Variants in MAPKAP1 observed in about 807,000 individuals in gnomAD.
MAPKAP1 encodes MAPK associated protein 1.
A neutral mutation model predicts 65.7 loss-of-function variants in MAPKAP1; 20 were observed. The observed-to-expected ratio is 0.30, with a 90% confidence interval of 0.21 to 0.44. The LOEUF is 0.44. Ranked by LOEUF, MAPKAP1 falls within the 20% of genes least tolerant of loss-of-function variation. The pLI is 1.00. For synonymous variants in MAPKAP1, 222 were observed against 244.3 expected, an observed-to-expected ratio of 0.91 and a Z score of 0.85; for missense variants, 423 against 648.0, an observed-to-expected ratio of 0.65 and a Z score of 3.77.
At chr9:125,693,820 C>CACACACACATAT in intron 1 of MAPKAP1, among the ~76,000 whole-genome samples, 1 of 116,536 alleles carries the variant, frequency 8.6e-6, no homozygotes, top group Non-Finnish European at 1.9e-5. Flanking sequence ...CACACATATA[C>CACACACACATAT]ACACACACAC....
chr9:125,487,038 C>A (rs1405055261), intron 8 of MAPKAP1, among the ~76,000 whole-genome samples: 10 of 152,204 alleles, frequency 6.6e-5, no homozygotes, highest in Admixed American at 6.5e-4. Context: ...TCAGACACTG[C>A]CAGTGCTACC....
chr9:125,669,750 T>C (rs866886576), intron 3 of MAPKAP1, 68 bp downstream of exon 3: 16 of 781,856 alleles, frequency 2.0e-5, no homozygotes, highest in Non-Finnish European at 2.6e-5. Flanking sequence ...GAATTAAAAA[T>C]AAAAGTTCTT....
chr9:125,522,896 T>C (rs372301447), intron 7 of MAPKAP1, among the ~76,000 whole-genome samples: 1 of 152,320 alleles, frequency 6.6e-6, no homozygotes, highest in South Asian at 2.1e-4. Context: ...GTCACTGCTG[T>C]GCCCTTCCCT....
rs964282934 is a variant in MAPKAP1 at position 125,438,472 on chromosome 9, TA to T, written c.*414del. On this transcript the variant is annotated 3_prime_UTR_variant, in exon 12 of 12. Coordinates refer to ENST00000265960, the MANE Select transcript of MAPKAP1 (RefSeq NM_001006617.3). ...GAATGGTCCATCATACCAACCATGA[TA>T]AAGAGTACACCTGTTTATTAAAAGG... The T allele has an allele frequency of 1.2e-5, 5 of 402,488 alleles. No homozygotes were observed. The Admixed American group carries it at 2.2e-4, about 18-fold the overall frequency. The allele number at this position is 402,488 out of a possible 1,614,324, so 24.9% of individuals were successfully genotyped here.
intron 1 of MAPKAP1, among the ~76,000 whole-genome samples, chr9:125,686,735 A>G (rs1834990986): frequency 6.6e-6 from 1 of 152,254 alleles, no homozygotes; most frequent in South Asian, 2.1e-4. Context: ...GAAGAATTGT[A>G]ATAGTATCAA....
At chr9:125,463,147 G>A (rs1853560243) in intron 10 of MAPKAP1, among the ~76,000 whole-genome samples, 2 of 152,226 alleles carry the variant, frequency 1.3e-5, no homozygotes, top group South Asian at 2.1e-4. Context: ...GACGTATAAT[G>A]GGGAAGGCCC....
Position 125,621,687 on chromosome 9 carries a change from C to G in MAPKAP1, c.499-35960G>C, listed in dbSNP as rs537941027. On this transcript the variant is annotated intron_variant, in intron 4 of 11. Transcript: ENST00000265960. ...GTTTAGATTAACAGCCTCTACCTAA[C>G]TGAAGGCTGCTTTAGATATGCAATA... 6.6e-5 allele frequency among the ~76,000 whole-genome samples: 10 copies of G among 152,314 alleles called. No homozygotes were observed. The East Asian group carries it at 1.2e-3, about 18-fold the overall frequency.
At chr9:125,511,565 A>G (rs1315756969) in intron 7 of MAPKAP1, among the ~76,000 whole-genome samples, 1 of 152,252 alleles carries the variant, frequency 6.6e-6, no homozygotes, top group Non-Finnish European at 1.5e-5. Flanking sequence ...CCAGACCTAT[A>G]TCAAAGTACA....
chr9:125,620,003 G>A (rs1222652628), intron 4 of MAPKAP1, among the ~76,000 whole-genome samples: 4 of 152,160 alleles, frequency 2.6e-5, no homozygotes, highest in South Asian at 2.1e-4. Context: ...TAAGAGAAAC[G>A]TAATTTAAAA....
At chr9:125,694,730 G>T (rs1303059603) in intron 1 of MAPKAP1, among the ~76,000 whole-genome samples, 2 of 152,168 alleles carry the variant, frequency 1.3e-5, no homozygotes, top group Non-Finnish European at 2.9e-5. Flanking sequence ...AAGACTGTGG[G>T]AAGGGAATGT....
intron 5 of MAPKAP1, among the ~76,000 whole-genome samples, chr9:125,571,137 C>T (rs1831217425): frequency 6.6e-6 from 1 of 152,110 alleles, no homozygotes; most frequent in African/African-American, 2.4e-5. Flanking sequence ...ACTATATGTG[C>T]ATAAATGTGT....
chr9:125,698,289 ATATATATATATATAT>A (rs1177639169), intron 1 of MAPKAP1, among the ~76,000 whole-genome samples: 1,682 of 77,790 alleles, frequency 0.022, 90 homozygotes, highest in African/African-American at 0.073. Context: ...ATATATATAA[ATATATATATATATAT>A]ATATATATAT....
At chr9:125,466,476 G>C (rs928440159) in intron 10 of MAPKAP1, among the ~76,000 whole-genome samples, 1 of 152,188 alleles carries the variant, frequency 6.6e-6, no homozygotes, top group African/African-American at 2.4e-5. Context: ...CAACACAGAA[G>C]TGATTGCCTT....
rs199945525 is a variant in MAPKAP1, at chr9:125,679,242, T to TC, written c.-69-6600dup. ...GTCTCGAACTCCTAACCTCAGGTGA[T>TC]CCCCCCACCTCGGCCTCCCAAAGTG... is the stretch of plus-strand genomic sequence containing the variant. On this transcript the variant is annotated intron_variant, in intron 1 of 11. Coordinates refer to ENST00000265960, the MANE Select transcript of MAPKAP1 (RefSeq NM_001006617.3). Among the ~76,000 whole-genome samples, 616 of 152,124 alleles carry TC rather than the reference T, an allele frequency of 4.0e-3. 4 individuals are homozygous for TC. The highest frequency in any genetic ancestry group is 0.014 in the African/African-American group (568 of 41,474).
chr9:125,699,783 G>A (rs1835541698), intron 1 of MAPKAP1, among the ~76,000 whole-genome samples: 3 of 151,852 alleles, frequency 2.0e-5, no homozygotes, highest in Non-Finnish European at 4.4e-5. Context: ...CACCATGCCT[G>A]GCTAATATTT....
Position 125,642,063 on chromosome 9 carries a change from G to A in MAPKAP1, c.498+15588C>T, listed in dbSNP as rs542561427. Reference sequence around the variant, plus strand: ...ATTAGTTAATTTAAAAAATTAGGCCGGTGTGGTGGCATGCACCTATGGTCC... The same window carrying A: ...ATTAGTTAATTTAAAAAATTAGGCCAGTGTGGTGGCATGCACCTATGGTCC... On this transcript the variant is annotated intron_variant, in intron 4 of 11. Coordinates refer to ENST00000265960, the MANE Select transcript of MAPKAP1 (RefSeq NM_001006617.3). 9.9e-5 allele frequency among the ~76,000 whole-genome samples: 15 copies of A among 151,908 alleles called. No individual in the cohort carries two copies. The South Asian group carries it at 1.7e-3, about 17-fold the overall frequency.
At chr9:125,647,028 G>A (rs950773538) in intron 4 of MAPKAP1, among the ~76,000 whole-genome samples, 1 of 152,206 alleles carries the variant, frequency 6.6e-6, no homozygotes, top group African/African-American at 2.4e-5. Flanking sequence ...TCCAGCACCA[G>A]CCTTAAATCA....
At chr9:125,481,194 C>G (rs1854302798) in intron 9 of MAPKAP1, among the ~76,000 whole-genome samples, 1 of 152,094 alleles carries the variant, frequency 6.6e-6, no homozygotes, top group African/African-American at 2.4e-5. Flanking sequence ...TCCCACAAAG[C>G]CTTTTGTGGA....
chr9:125,662,563 G>A (rs1166059925), intron 3 of MAPKAP1, among the ~76,000 whole-genome samples: 3 of 152,078 alleles, frequency 2.0e-5, no homozygotes, highest in Non-Finnish European at 2.9e-5. Context: ...GGCACCCGTA[G>A]TCCCAGCTAC....
Sources: gnomAD v4.1 joint callset for allele counts (sites outside exome capture counted in the v4.1 genomes callset) on GRCh38, gnomAD v4.1.1 for gene constraint, MANE v1.5 for transcripts, NCBI Gene and HGNC (gene_info 2026-07-23, HGNC 2026-07-21) for gene names.